Variants in SMG6 observed in about 807,000 individuals in gnomAD.
SMG6 encodes SMG6 nonsense mediated mRNA decay factor.
SMG6 carries 66 observed loss-of-function variants against 142.2 expected under a neutral mutation model. The ratio of observed to expected loss-of-function variants is 0.46; its 90% CI spans 0.38 to 0.57. The LOEUF (loss-of-function observed/expected upper bound fraction) is 0.57, where lower values mean the gene tolerates loss of function less well. SMG6 is among the 20% of genes least tolerant of loss of function. The pLI is 0.00. For missense variants in SMG6, 1,793 were observed against 1,832.0 expected (o/e 0.98, Z 0.39); for synonymous variants, 779 against 702.4 (o/e 1.11, Z -1.72).
In SMG6 at chr17:2,303,775, G is replaced by A. The variant is rs1247072521; in HGVS notation, c.-55C>T. 1.6e-5 allele frequency: 23 copies of A among 1,430,962 alleles called. No homozygotes were observed. The East Asian group carries it at 6.3e-4, about 39-fold the overall frequency. 88.6% of individuals were successfully genotyped at this position (1,430,962 alleles called of 1,614,324 possible). On this transcript the variant is annotated 5_prime_UTR_variant, in exon 1 of 19. Coordinates refer to ENST00000263073, the MANE Select transcript of SMG6 (RefSeq NM_017575.5). ...CTCCGCCACCGCCGCGCGCAGCCAG[G>A]AAACCACCACAGACGGGCGGCGCGC...
At chr17:2,235,801 T>C (rs1185496287) in intron 10 of SMG6, 1 of 152,576 alleles carries the variant, frequency 6.6e-6, no homozygotes, top group Non-Finnish European at 1.5e-5. Context: ...CCTGGTAACA[T>C]CCTTTGACCC....
chr17:2,210,816 A>C (rs2072832166), intron 10 of SMG6, among the ~76,000 whole-genome samples: 1 of 151,886 alleles, frequency 6.6e-6, no homozygotes, highest in Non-Finnish European at 1.5e-5. Context: ...AAGACACATA[A>C]TGAGTGCTTA....
intron 13 of SMG6, among the ~76,000 whole-genome samples, chr17:2,128,843 G>GAGAAAGAA (rs751937689): frequency 6.7e-6 from 1 of 148,744 alleles, no homozygotes; most frequent in Non-Finnish European, 1.5e-5. Flanking sequence ...AAGAGAGAGA[G>GAGAAAGAA]AGAAAGAAAG....
chr17:2,256,948 A>G (rs1324392251), intron 8 of SMG6, among the ~76,000 whole-genome samples: 1 of 120,200 alleles, frequency 8.3e-6, no homozygotes, highest in Non-Finnish European at 1.9e-5. Flanking sequence ...AAACCCAGAC[A>G]AAGGTATGTA....
At chr17:2,241,199 T>C (rs1335876001) in intron 9 of SMG6, among the ~76,000 whole-genome samples, 1 of 152,204 alleles carries the variant, frequency 6.6e-6, no homozygotes, top group African/African-American at 2.4e-5. Context: ...CAACAGAATA[T>C]GTTATATGCA....
In SMG6 at chr17:2,061,631, A is replaced by G. The variant is rs1252514829; in HGVS notation, c.4130-9T>C. On this transcript the variant is annotated splice_polypyrimidine_tract_variant and intron_variant, in intron 18 of 18. Coordinates refer to ENST00000263073, the MANE Select transcript of SMG6 (RefSeq NM_017575.5). ...TAGCCGGATTGGCTCCTCTGTGGGC[A>G]TGAGAGAGCAGAAGGCTGTCACTGA... The G allele has an allele frequency of 3.2e-6, 5 of 1,567,512 alleles. No homozygotes were observed. In the South Asian group the frequency reaches 4.7e-5, roughly 15 times the overall value.
At chr17:2,218,710 C>G (rs2151762480) in intron 10 of SMG6, among the ~76,000 whole-genome samples, 1 of 152,226 alleles carries the variant, frequency 6.6e-6, no homozygotes, top group East Asian at 1.9e-4. Flanking sequence ...AGATTTAACC[C>G]TGACAATGTA....
chr17:2,076,830 C>T (rs1029278292), intron 15 of SMG6, among the ~76,000 whole-genome samples: 2 of 152,222 alleles, frequency 1.3e-5, no homozygotes, highest in African/African-American at 4.8e-5. Context: ...AAAGGGGCCA[C>T]AGCAACCCCA....
At chr17:2,152,252 C>G (rs1567640362) in intron 13 of SMG6, among the ~76,000 whole-genome samples, 2 of 152,208 alleles carry the variant, frequency 1.3e-5, no homozygotes, top group Non-Finnish European at 2.9e-5. Context: ...CACCCCTTAT[C>G]CCCCTCTTTC....
At chr17:2,143,898 A>C (rs1251566969) in intron 13 of SMG6, among the ~76,000 whole-genome samples, 1 of 152,114 alleles carries the variant, frequency 6.6e-6, no homozygotes, top group Non-Finnish European at 1.5e-5. Flanking sequence ...AGTGTACTAA[A>C]ACTGCACATA....
chr17:2,289,355 A>G (rs2074980222), intron 6 of SMG6, among the ~76,000 whole-genome samples: 1 of 152,124 alleles, frequency 6.6e-6, no homozygotes, highest in Non-Finnish European at 1.5e-5. Flanking sequence ...CAGGAGTTCC[A>G]AGACCTGCCT....
intron 10 of SMG6, among the ~76,000 whole-genome samples, chr17:2,203,955 T>C (rs961661177): frequency 1.3e-5 from 2 of 152,200 alleles, no homozygotes; most frequent in African/African-American, 4.8e-5. Context: ...CTTTTCATTC[T>C]GTGGCTTCCT....
chr17:2,303,510 G>T, intron 1 of SMG6, 123 bp downstream of exon 1: 1 of 1,330,000 alleles, frequency 7.5e-7, no homozygotes, highest in Non-Finnish European at 9.6e-7. Flanking sequence ...CGGCCCCAGC[G>T]CCTACTGCTG....
intron 8 of SMG6, among the ~76,000 whole-genome samples, chr17:2,272,453 G>A (rs2074560394): frequency 6.6e-6 from 1 of 152,062 alleles, no homozygotes; most frequent in African/African-American, 2.4e-5. Context: ...CATTGTTCAT[G>A]GATTTTGCAT....
intron 13 of SMG6, chr17:2,088,845 G>C: frequency 1.0e-6 from 1 of 985,362 alleles, no homozygotes; most frequent in South Asian, 4.7e-5. Flanking sequence ...AACTTGGGGG[G>C]AATAAGCCCA....
At chr17:2,123,011 T>G (rs1296269158) in intron 13 of SMG6, among the ~76,000 whole-genome samples, 1 of 152,258 alleles carries the variant, frequency 6.6e-6, no homozygotes, top group African/African-American at 2.4e-5. Flanking sequence ...TGCTGGATGA[T>G]GGCCAGATTC....
At chr17:2,104,572 T>G (rs1318870963) in intron 13 of SMG6, among the ~76,000 whole-genome samples, 2 of 151,534 alleles carry the variant, frequency 1.3e-5, no homozygotes, top group African/African-American at 2.4e-5. Context: ...TTCAGGGTAG[T>G]GGCAGGTAGA....
chr17:2,287,989 G>C (rs1431317420), intron 6 of SMG6, among the ~76,000 whole-genome samples: 1 of 152,202 alleles, frequency 6.6e-6, no homozygotes, highest in African/African-American at 2.4e-5. Context: ...CAATATGAAT[G>C]TACGTAATGC....
intron 13 of SMG6, among the ~76,000 whole-genome samples, chr17:2,137,166 C>CA (rs1415525251): frequency 1.3e-5 from 2 of 151,686 alleles, no homozygotes; most frequent in African/African-American, 4.8e-5. Flanking sequence ...GACCCTGACT[C>CA]AAAAAAAGGA....
Sources: gnomAD v4.1 joint callset for allele counts (sites outside exome capture counted in the v4.1 genomes callset) on GRCh38, gnomAD v4.1.1 for gene constraint, MANE v1.5 for transcripts, NCBI Gene and HGNC (gene_info 2026-07-23, HGNC 2026-07-21) for gene names.